The following KCNE3 variants were observed in gnomAD, a reference collection of about 807,000 sequenced individuals.
KCNE3 encodes potassium voltage-gated channel subfamily E member 3.
Under a neutral mutation model 4.3 loss-of-function variants are expected in KCNE3, and 2 were observed. The ratio of observed to expected loss-of-function variants is 0.47; its 90% CI spans 0.19 to 1.48. The LOEUF is 1.48. Ranked by LOEUF, KCNE3 falls within the 40% of genes most tolerant of loss-of-function variation. The pLI is 0.25. For missense variants in KCNE3, 128 were observed against 136.8 expected (o/e 0.94, Z 0.32); for synonymous variants, 47 against 52.0 (o/e 0.90, Z 0.41).
chr11:74,457,621 G>C lies in KCNE3; in HGVS notation c.-40-18C>G. The C allele has an allele frequency of 6.6e-7, 1 of 1,510,842 alleles. No homozygotes were observed. The highest frequency in any genetic ancestry group is 9.2e-7 in the Non-Finnish European group (1 of 1,086,772). 93.6% of individuals were successfully genotyped at this position (1,510,842 alleles called of 1,614,324 possible). A position where few individuals can be genotyped will look rare whatever the true frequency, so the allele number is the denominator to read the frequency against. ...TAGAAGCTCTGGTGGCAAAAGAAAA[G>C]AGAGAGGGGATGGCTCTGTCACCTG... On this transcript the variant is annotated intron_variant, in intron 2 of 2. Transcript: ENST00000310128.
intron 2 of KCNE3, among the ~76,000 whole-genome samples, chr11:74,459,842 GGT>G (rs1272694680): frequency 6.6e-6 from 1 of 152,084 alleles, no homozygotes; most frequent in Non-Finnish European, 1.5e-5. Context: ...CCTGAGACTG[GGT>G]GTTCTCCTTT....
chr11:74,462,140 C>G (rs1219992103), intron 1 of KCNE3, 37 bp from the exon 2 acceptor site: 1 of 152,982 alleles, frequency 6.5e-6, no homozygotes, highest in Non-Finnish European at 1.5e-5. Context: ...AGGAAGGAAC[C>G]AGACACAAAG....
At chr11:74,466,853 C>G (rs896585527) in intron 1 of KCNE3, among the ~76,000 whole-genome samples, 5 of 152,122 alleles carry the variant, frequency 3.3e-5, no homozygotes, top group African/African-American at 1.2e-4. Flanking sequence ...TCAAGTCTCC[C>G]GACTCCCAGC....
intron 1 of KCNE3, chr11:74,464,305 C>T (rs1864015705): frequency 6.6e-6 from 1 of 152,310 alleles, no homozygotes; most frequent in South Asian, 2.1e-4. Context: ...GCTACTCTTT[C>T]AGAATGAGCG....
rs568339642 is a variant in KCNE3 at position 74,457,018 on chromosome 11, A to C, written c.*234T>G. ...TGTTGCTACTTTTATATGTTTGTTC[A>C]TGGGCTCCCACTGTTTATAAAGTCT... On this transcript the variant is annotated 3_prime_UTR_variant, in exon 3 of 3. Coordinates refer to ENST00000310128, the MANE Select transcript of KCNE3 (RefSeq NM_005472.5). 1 of 575,390 alleles carries C rather than the reference A, an allele frequency of 1.7e-6. No individual in the cohort carries two copies. Among genetic ancestry groups the C allele is most frequent in the Non-Finnish European group, 3.1e-6 (1 of 322,056 alleles). The allele number at this position is 575,390 out of a possible 1,614,324, so 35.6% of individuals were successfully genotyped here. A position where few individuals can be genotyped will look rare whatever the true frequency, so the allele number is the denominator to read the frequency against.
intron 2 of KCNE3, among the ~76,000 whole-genome samples, chr11:74,460,585 T>G (rs1863929943): frequency 3.9e-5 from 6 of 152,086 alleles, no homozygotes. Context: ...GAAGGAAACA[T>G]GAGCAAAGGC....
intron 1 of KCNE3, among the ~76,000 whole-genome samples, chr11:74,463,358 G>A (rs936181799): frequency 6.6e-6 from 1 of 152,150 alleles, no homozygotes; most frequent in African/African-American, 2.4e-5. Context: ...TGGGAGGGAA[G>A]GCTGGGGTGC....
At chr11:74,459,539 G>GGCATGAGCCACC (rs964509108) in intron 2 of KCNE3, among the ~76,000 whole-genome samples, 4 of 152,062 alleles carry the variant, frequency 2.6e-5, no homozygotes, top group African/African-American at 7.2e-5. Flanking sequence ...TGGGATTACA[G>GGCATGAGCCACC]GCGCCCAGCC....
At chr11:74,461,354 G>C (rs1162069181) in intron 2 of KCNE3, among the ~76,000 whole-genome samples, 1 of 151,746 alleles carries the variant, frequency 6.6e-6, no homozygotes, top group Non-Finnish European at 1.5e-5. Context: ...AAATAGGCCA[G>C]CTGTGGTGCC....
chr11:74,465,120 G>GTGTA (rs1000899300), intron 1 of KCNE3, among the ~76,000 whole-genome samples: 1 of 151,676 alleles, frequency 6.6e-6, no homozygotes, highest in African/African-American at 2.4e-5. Flanking sequence ...GTGTGTGTGT[G>GTGTA]TGTGTATGTG....
chr11:74,457,616 G>T lies in KCNE3; in HGVS notation c.-40-13C>A. 6.5e-7 allele frequency: 1 copy of T among 1,539,210 alleles called. No individual in the cohort carries two copies. Among genetic ancestry groups the T allele is most frequent in the South Asian group, 1.1e-5 (1 of 89,276 alleles). On this transcript the variant is annotated splice_polypyrimidine_tract_variant and intron_variant, in intron 2 of 2. Transcript: ENST00000310128. ...CTCGGTAGAAGCTCTGGTGGCAAAA[G>T]AAAAGAGAGAGGGGATGGCTCTGTC... is the stretch of plus-strand genomic sequence containing the variant.
intron 2 of KCNE3, among the ~76,000 whole-genome samples, chr11:74,457,881 C>A (rs1025801499): frequency 6.6e-6 from 1 of 152,128 alleles, no homozygotes; most frequent in Non-Finnish European, 1.5e-5. Context: ...AAGGGCAGTT[C>A]CCCTGCACCT....
chr11:74,454,899 G>C lies in KCNE3; in HGVS notation c.*2353C>G, dbSNP rs549819195. On this transcript the variant is annotated 3_prime_UTR_variant, in exon 3 of 3. Transcript: ENST00000310128. ...GGGTGGTGTCTAAAGTCCTATCCAC[G>C]TAAATTTCTGAATCTGTTGTCTTCC... 6.6e-6 allele frequency: 1 copy of C among 152,082 alleles called. No homozygotes were observed. Among genetic ancestry groups the C allele is most frequent in the Non-Finnish European group, 1.5e-5 (1 of 68,026 alleles). The allele number at this position is 152,082 out of a possible 1,614,324, so 9.4% of individuals were successfully genotyped here.
chr11:74,467,391 G>T lies in KCNE3; in HGVS notation c.-190+7C>A, dbSNP rs1864085449. On this transcript the variant is annotated splice_region_variant and intron_variant, in intron 1 of 2. Coordinates refer to ENST00000310128, the MANE Select transcript of KCNE3 (RefSeq NM_005472.5). This position sits in a 1 kb window ranked among gnomAD's most constrained non-coding sequence, Gnocchi z 4.4. ...GCTCAGCCTTCCCAGCTGGGTGGGT[G>T]CCTTACCTGCCTCTCAGCAAGGCTC... The T allele has an allele frequency of 6.5e-6, 1 of 152,820 alleles. No individual in the cohort carries two copies. Among genetic ancestry groups the T allele is most frequent in the Non-Finnish European group, 1.5e-5 (1 of 68,104 alleles). The allele number at this position is 152,820 out of a possible 1,614,324, so 9.5% of individuals were successfully genotyped here.
At chr11:74,459,991 A>G (rs905334625) in intron 2 of KCNE3, among the ~76,000 whole-genome samples, 8 of 152,242 alleles carry the variant, frequency 5.3e-5, no homozygotes, top group Non-Finnish European at 8.8e-5. Context: ...GTCCTCCATC[A>G]TATGGGTAGA....
Position 74,456,966 on chromosome 11 carries a change from C to T in KCNE3, c.*286G>A. The T allele has an allele frequency of 2.1e-6, 1 of 469,542 alleles. No homozygotes were observed. The highest frequency in any genetic ancestry group is 3.5e-5 in the Admixed American group (1 of 28,682). 29.1% of individuals were successfully genotyped at this position (469,542 alleles called of 1,614,324 possible). On this transcript the variant is annotated 3_prime_UTR_variant, in exon 3 of 3. Coordinates refer to ENST00000310128, the MANE Select transcript of KCNE3 (RefSeq NM_005472.5). ...AATCCCCAGGCCCCTAATACTCCAG[C>T]CACTGAACCAGTTATTGGTCATTAT...
chr11:74,463,027 G>A (rs146578000), intron 1 of KCNE3, among the ~76,000 whole-genome samples: 1 of 152,250 alleles, frequency 6.6e-6, no homozygotes, highest in African/African-American at 2.4e-5. Flanking sequence ...CTTCCTCACA[G>A]GTTAAGATGC....
chr11:74,463,567 G>T (rs1864000209), intron 1 of KCNE3, among the ~76,000 whole-genome samples: 1 of 152,136 alleles, frequency 6.6e-6, no homozygotes, highest in Admixed American at 6.5e-5. Flanking sequence ...GGATGGGGGA[G>T]ATGGAGCTCC....
chr11:74,459,596 C>A (rs532457566), intron 2 of KCNE3, among the ~76,000 whole-genome samples: 1 of 152,184 alleles, frequency 6.6e-6, no homozygotes, highest in East Asian at 1.9e-4. Flanking sequence ...TCTGAAAAAC[C>A]ATATGTAATT....
Sources: allele counts gnomAD v4.1 joint callset (sites outside exome capture counted in the v4.1 genomes callset), GRCh38; gene constraint gnomAD v4.1.1; non-coding constraint Gnocchi (gnomAD v3.1); transcripts MANE v1.5; gene names NCBI Gene and HGNC (gene_info 2026-07-23, HGNC 2026-07-21).